The following ELF2 variants were observed in gnomAD, a reference collection of about 807,000 sequenced individuals.
ELF2 encodes the protein ETS-related transcription factor Elf-2.
A neutral mutation model predicts 54.8 loss-of-function variants in ELF2; 11 were observed. That is an observed-to-expected ratio of 0.20 (90% CI 0.13 to 0.33). ELF2 has a LOEUF of 0.33. Among genes scored for constraint, ELF2 ranks in the 10% least tolerant of loss-of-function variants. ELF2 has a pLI of 1.00. For synonymous variants in ELF2, 203 were observed against 245.1 expected (o/e 0.83, Z 1.61); for missense variants, 513 against 703.0 (o/e 0.73, Z 3.06).
intron 1 of ELF2, among the ~76,000 whole-genome samples, chr4:139,161,863 G>C (rs1741198522): frequency 6.6e-6 from 1 of 152,018 alleles, no homozygotes; most frequent in Admixed American, 6.6e-5. Context: ...GGGAGGCCAA[G>C]ACGGGTGGAT....
At chr4:139,173,990 A>G (rs1302577495) in intron 1 of ELF2, among the ~76,000 whole-genome samples, 1 of 150,300 alleles carries the variant, frequency 6.7e-6, no homozygotes, top group Non-Finnish European at 1.5e-5. Context: ...TTGGGAGGCC[A>G]AGGCGGGCGG....
intron 7 of ELF2, chr4:139,066,841 C>T (rs574789323): frequency 6.6e-6 from 1 of 152,140 alleles, no homozygotes; most frequent in South Asian, 2.1e-4. Context: ...CATGCCACTG[C>T]ATTCTAGCCC....
chr4:139,112,052 T>C (rs1560823068), intron 4 of ELF2, among the ~76,000 whole-genome samples: 1 of 152,224 alleles, frequency 6.6e-6, no homozygotes, highest in African/African-American at 2.4e-5. Context: ...CACTGCCCTT[T>C]AGACTTATCT....
At chr4:139,086,733 G>A (rs1041667318) in intron 4 of ELF2, among the ~76,000 whole-genome samples, 1 of 152,136 alleles carries the variant, frequency 6.6e-6, no homozygotes, top group Non-Finnish European at 1.5e-5. Flanking sequence ...GAAAGTCTTA[G>A]AGACAATATG....
At chr4:139,100,794 T>G (rs1002235640) in intron 4 of ELF2, 1 of 152,132 alleles carries the variant, frequency 6.6e-6, no homozygotes, top group African/African-American at 2.4e-5. Flanking sequence ...AGGGAGGGAG[T>G]ATCACTATTC....
upstream of ELF2, among the ~76,000 whole-genome samples, chr4:139,177,484 T>G (rs1248352125): frequency 6.6e-6 from 1 of 150,774 alleles, no homozygotes; most frequent in Non-Finnish European, 1.5e-5. Flanking sequence ...CGAACCTGCT[T>G]CTTTTGCTGT....
chr4:139,163,635 C>T (rs1291788910), intron 1 of ELF2, among the ~76,000 whole-genome samples: 1 of 152,052 alleles, frequency 6.6e-6, no homozygotes, highest in East Asian at 1.9e-4. Flanking sequence ...GTGTGTGGGC[C>T]AGACACAGAG....
intron 7 of ELF2, chr4:139,067,116 TAAAA>T (rs113589223): frequency 2.2e-5 from 3 of 137,506 alleles, no homozygotes; most frequent in Non-Finnish European, 4.8e-5. Context: ...TACAAAAAAT[TAAAA>T]AAAAAAAAAG....
chr4:139,107,288 C>T (rs1328014630), intron 4 of ELF2, among the ~76,000 whole-genome samples: 1 of 152,094 alleles, frequency 6.6e-6, no homozygotes, highest in Admixed American at 6.5e-5. Flanking sequence ...TCTGTTGACC[C>T]CCTCTGAGTG....
Position 139,125,158 on chromosome 4 carries a change from G to A in ELF2, c.238+6C>T. 6.2e-7 allele frequency: 1 copy of A among 1,604,942 alleles called. No individual in the cohort carries two copies. The highest frequency in any genetic ancestry group is 8.5e-7 in the Non-Finnish European group (1 of 1,177,164). On this transcript the variant is annotated splice_donor_region_variant and intron_variant, in intron 4 of 9. Transcript: ENST00000686138. Reference sequence around the variant, plus strand: ...ATAAATAATGAACATTTTATGAGATGTCTACCTGTTTCCACATTCTCGGTC... The same window carrying A: ...ATAAATAATGAACATTTTATGAGATATCTACCTGTTTCCACATTCTCGGTC...
At chr4:139,084,347 C>T in intron 4 of ELF2, 9 of 1,518,314 alleles carry the variant, frequency 5.9e-6, no homozygotes, top group South Asian at 1.2e-5. Flanking sequence ...CCTTGCGCGT[C>T]CTCCGACAGG....
At chr4:139,108,807 T>C (rs1166053436) in intron 4 of ELF2, among the ~76,000 whole-genome samples, 1 of 152,042 alleles carries the variant, frequency 6.6e-6, no homozygotes. Context: ...AAGAACTGGT[T>C]GTTAAGGAAG....
intron 1 of ELF2, among the ~76,000 whole-genome samples, chr4:139,145,181 A>G (rs1739103477): frequency 6.6e-6 from 1 of 152,242 alleles, no homozygotes; most frequent in Non-Finnish European, 1.5e-5. Context: ...ACCCTGGCTA[A>G]CCAGGATGTC....
Position 139,102,576 on chromosome 4 carries a change from C to T in ELF2, c.238+22588G>A, listed in dbSNP as rs1455889272. Reference sequence around the variant, plus strand: ...GAAGTATCGGCCGGGCATGCTGGCTCACGCCAGAATTCCCAGCACTTTGGG... The same window carrying T: ...GAAGTATCGGCCGGGCATGCTGGCTTACGCCAGAATTCCCAGCACTTTGGG... On this transcript the variant is annotated intron_variant, in intron 4 of 9. Transcript: ENST00000686138. Among the ~76,000 whole-genome samples the T allele has an allele frequency of 2.0e-5, 3 of 149,974 alleles. No individual in the cohort carries two copies. The East Asian group carries it at 5.9e-4, about 30-fold the overall frequency.
At chr4:139,088,308 T>G (rs911885566) in intron 4 of ELF2, among the ~76,000 whole-genome samples, 3 of 142,586 alleles carry the variant, frequency 2.1e-5, no homozygotes, top group African/African-American at 7.8e-5. Context: ...AAAAAAAAAT[T>G]ACAATAAAAA....
chr4:139,069,791 C>T (rs937532179), intron 6 of ELF2, among the ~76,000 whole-genome samples: 4 of 152,048 alleles, frequency 2.6e-5, no homozygotes, highest in South Asian at 2.1e-4. Flanking sequence ...AATAACGATA[C>T]TCTTATTCTT....
Position 139,060,467 on chromosome 4 carries a change from G to A in ELF2, c.1014C>T (p.Arg338=). 6.2e-7 allele frequency: 1 copy of A among 1,614,170 alleles called. No individual in the cohort carries two copies. The highest frequency in any genetic ancestry group is 8.5e-7 in the Non-Finnish European group (1 of 1,180,042). ...ESLLKAASSV[R]SGKNSSPINC... is the part of the protein sequence containing the mutation. ...TTATAGGGGATGAATTTTTTCCACT[G>A]CGAACAGAGGATGCTGCTTTCAGGA... Residue 338 remains arginine (R), a synonymous_variant, in exon 9 of 10, where the codon CGC becomes CGT. Coordinates refer to ENST00000686138, the MANE Select transcript of ELF2 (RefSeq NM_001331036.3).
intron 1 of ELF2, among the ~76,000 whole-genome samples, chr4:139,159,079 A>G (rs1415231344): frequency 6.6e-5 from 10 of 152,176 alleles, no homozygotes; most frequent in African/African-American, 1.9e-4. Flanking sequence ...AGAAATGACC[A>G]TGGTGGCCTT....
chr4:139,170,705 A>G (rs1328565890), intron 1 of ELF2, among the ~76,000 whole-genome samples: 1 of 102,528 alleles, frequency 9.8e-6, no homozygotes, highest in Non-Finnish European at 1.9e-5. Context: ...CAACCCAATT[A>G]TATTACATTA....
Sources: gnomAD v4.1 joint callset for allele counts (sites outside exome capture counted in the v4.1 genomes callset) on GRCh38, gnomAD v4.1.1 for gene constraint, MANE v1.5 for transcripts, NCBI Gene and HGNC (gene_info 2026-07-23, HGNC 2026-07-21) for gene names.